Variants in ZNF407 observed in about 807,000 individuals in gnomAD.
ZNF407 encodes the protein zinc finger protein 407.
Under a neutral mutation model 131.2 loss-of-function variants are expected in ZNF407, and 17 were observed. The observed-to-expected ratio is 0.13, with a 90% confidence interval of 0.09 to 0.19. ZNF407 has a LOEUF of 0.19. ZNF407 is among the 10% of genes least tolerant of loss of function. ZNF407 has a pLI of 1.00. For missense variants in ZNF407, 2,681 were observed against 2,830.6 expected (o/e 0.95, Z 1.20); for synonymous variants, 1,156 against 1,062.0 (o/e 1.09, Z -1.72).
intron 8 of ZNF407, among the ~76,000 whole-genome samples, chr18:75,024,931 GA>G (rs1295235225): frequency 1.3e-5 from 2 of 152,134 alleles, no homozygotes; most frequent in African/African-American, 4.8e-5. Context: ...TGTACAAAAC[GA>G]AGACTATTTC....
At chr18:74,806,428 G>A (rs1442804791) in intron 4 of ZNF407, among the ~76,000 whole-genome samples, 2 of 152,190 alleles carry the variant, frequency 1.3e-5, no homozygotes, top group Admixed American at 1.3e-4. Context: ...TAGGAGGAAG[G>A]CGAGAGCCAG....
intron 8 of ZNF407, among the ~76,000 whole-genome samples, chr18:75,020,834 T>G (rs562835952): frequency 5.3e-5 from 8 of 152,194 alleles, no homozygotes; most frequent in Admixed American, 5.2e-4. Flanking sequence ...TAATCTAATC[T>G]GTGGATGTCA....
At chr18:75,019,303 C>T (rs1334679856) in intron 8 of ZNF407, among the ~76,000 whole-genome samples, 1 of 151,798 alleles carries the variant, frequency 6.6e-6, no homozygotes, top group Admixed American at 6.6e-5. Context: ...CATAAGGAAC[C>T]CAGCCAGGGA....
intron 8 of ZNF407, among the ~76,000 whole-genome samples, chr18:75,034,582 G>T (rs1016042725): frequency 3.3e-5 from 5 of 151,210 alleles, no homozygotes; most frequent in Admixed American, 6.6e-5. Flanking sequence ...GATTACAGGC[G>T]TGAGCCACTG....
At chr18:74,832,999 A>T (rs1049430589) in intron 4 of ZNF407, among the ~76,000 whole-genome samples, 5 of 152,212 alleles carry the variant, frequency 3.3e-5, no homozygotes, top group Non-Finnish European at 7.3e-5. Context: ...TTCCACCTAC[A>T]CTGGTGGTGT....
intron 4 of ZNF407, among the ~76,000 whole-genome samples, chr18:74,790,487 G>GT (rs1969805951): frequency 6.6e-6 from 1 of 152,126 alleles, no homozygotes; most frequent in Admixed American, 6.5e-5. Flanking sequence ...CTGTTTTTAA[G>GT]TTTTTAAGAA....
chr18:74,724,796 C>T (rs1220107858), intron 3 of ZNF407, among the ~76,000 whole-genome samples: 1 of 152,110 alleles, frequency 6.6e-6, no homozygotes, highest in African/African-American at 2.4e-5. Context: ...CAGTGGAGGA[C>T]ATCTTTGCAT....
chr18:74,664,048 G>GT (rs933398835), intron 3 of ZNF407, among the ~76,000 whole-genome samples: 2 of 152,210 alleles, frequency 1.3e-5, no homozygotes, highest in Non-Finnish European at 2.9e-5. Context: ...AGGAGGACAA[G>GT]TTGGCCAGGT....
At chr18:74,712,106 C>T (rs1967779112) in intron 3 of ZNF407, among the ~76,000 whole-genome samples, 1 of 152,122 alleles carries the variant, frequency 6.6e-6, no homozygotes. Context: ...ATGTGTCTGA[C>T]TGATACAGGA....
chr18:74,899,431 C>G (rs919661859), intron 7 of ZNF407, among the ~76,000 whole-genome samples: 7 of 152,042 alleles, frequency 4.6e-5, no homozygotes, highest in South Asian at 4.2e-4. Flanking sequence ...GTGTGCTGGT[C>G]AGGGCTGCTG....
At chr18:75,038,901 A>T (rs1421728030) in intron 8 of ZNF407, among the ~76,000 whole-genome samples, 1 of 152,232 alleles carries the variant, frequency 6.6e-6, no homozygotes, top group African/African-American at 2.4e-5. Flanking sequence ...TTAGGCAGAT[A>T]TCTGAGGTTA....
At chr18:74,775,764 G>A (rs1212864424) in intron 3 of ZNF407, among the ~76,000 whole-genome samples, 2 of 152,182 alleles carry the variant, frequency 1.3e-5, no homozygotes, top group African/African-American at 4.8e-5. Context: ...AGGAAGCATC[G>A]TCCTGGCAGC....
chr18:74,892,854 A>T (rs1354801101), intron 7 of ZNF407, among the ~76,000 whole-genome samples: 2 of 152,112 alleles, frequency 1.3e-5, no homozygotes, highest in Non-Finnish European at 2.9e-5. Context: ...TTACCCTGAA[A>T]ATGCTCATGC....
In ZNF407 at chr18:74,941,182, C is replaced by T. The variant is rs188210577; in HGVS notation, c.5428+20490C>T. Among the ~76,000 whole-genome samples the T allele has an allele frequency of 1.8e-4, 28 of 152,322 alleles. No homozygotes were observed. In the East Asian group the frequency reaches 4.8e-3, roughly 26 times the overall value. On this transcript the variant is annotated intron_variant, in intron 8 of 8. Transcript: ENST00000299687. The stretch of plus-strand genomic sequence containing the variant: ...TTCCCATTGCCACAAAACTGACATC[C>T]AGTGGTTTCTGTAATGTACTTAGCA...
intron 8 of ZNF407, among the ~76,000 whole-genome samples, chr18:74,934,839 A>G (rs910104895): frequency 4.6e-5 from 7 of 152,204 alleles, no homozygotes; most frequent in Non-Finnish European, 2.9e-5. Flanking sequence ...TTTTTGTGAT[A>G]AATGTCTTGG....
At chr18:74,823,715 G>A (rs1255444149) in intron 4 of ZNF407, among the ~76,000 whole-genome samples, 2 of 152,136 alleles carry the variant, frequency 1.3e-5, no homozygotes, top group African/African-American at 4.8e-5. Flanking sequence ...CATAAAGCAA[G>A]TTCTTAGAGA....
At chr18:74,818,488 G>A (rs1320148859) in intron 4 of ZNF407, among the ~76,000 whole-genome samples, 1 of 152,090 alleles carries the variant, frequency 6.6e-6, no homozygotes, top group Non-Finnish European at 1.5e-5. Context: ...ACCTGAGTTT[G>A]ATTTTTTGCA....
chr18:74,609,217 GTC>G (rs1482268972), intron 1 of ZNF407, among the ~76,000 whole-genome samples: 1 of 152,144 alleles, frequency 6.6e-6, no homozygotes, highest in Non-Finnish European at 1.5e-5. Flanking sequence ...TCTGCACTCT[GTC>G]TCACATTTGT....
rs150280539 is a variant in ZNF407 at position 74,854,150 on chromosome 18, G to A, written c.4878-23047G>A. ...ACCACAGTATCCACCCCTGGGGACA[G>A]GTGATACGGGAGGCAGTGTTTTATG... is the stretch of plus-strand genomic sequence containing the variant. On this transcript the variant is annotated intron_variant, in intron 4 of 8. Coordinates refer to ENST00000299687, the MANE Select transcript of ZNF407 (RefSeq NM_017757.3). Among the ~76,000 whole-genome samples the A allele has an allele frequency of 8.9e-3, 1,359 of 152,276 alleles. 12 individuals are homozygous for A. Among genetic ancestry groups the A allele is most frequent in the African/African-American group, 0.031 (1,269 of 41,546 alleles).
Sources: allele counts gnomAD v4.1 joint callset (sites outside exome capture counted in the v4.1 genomes callset), GRCh38; gene constraint gnomAD v4.1.1; transcripts MANE v1.5; gene names NCBI Gene and HGNC (gene_info 2026-07-23, HGNC 2026-07-21).